The following TLR2 variants were observed in gnomAD, a reference collection of about 807,000 sequenced individuals.
TLR2 encodes the protein toll like receptor 2.
In TLR2, 7 loss-of-function variants were observed where a neutral mutation model predicts 9.1. The observed-to-expected ratio is 0.77, with a 90% confidence interval of 0.44 to 1.44. TLR2 has a LOEUF of 1.44. TLR2 is among the 40% of genes most tolerant of loss of function. The pLI is 0.01. For synonymous variants in TLR2, 317 were observed against 344.6 expected (o/e 0.92, Z 0.89); for missense variants, 812 against 904.6 (o/e 0.90, Z 1.31).
chr4:153,706,889 G>GT (rs1380283425), downstream of TLR2, among the ~76,000 whole-genome samples: 1 of 152,184 alleles, frequency 6.6e-6, no homozygotes, highest in Non-Finnish European at 1.5e-5. Context: ...ATGTAGGAAT[G>GT]TAAGTAAACC....
Position 153,703,921 on chromosome 4 carries a change from TAAAAG to T in TLR2, c.1017_1021del (p.Lys339AsnfsTer7). The T allele has an allele frequency of 3.1e-6, 5 of 1,613,146 alleles. No homozygotes were observed. Among genetic ancestry groups the T allele is most frequent in the Non-Finnish European group, 3.4e-6 (4 of 1,179,784 alleles). ...CTTTATATTCACTTACAGAAAGAGT[TAAAAG>T]AATCACAGTAGAAAACAGTAAAGTT... On this transcript the variant is annotated frameshift_variant, in exon 3 of 3. Transcript: ENST00000642700. LOFTEE classifies it low-confidence loss of function (END_TRUNC).
At chr4:153,688,831 A>G (rs2127014867) in intron 2 of TLR2, among the ~76,000 whole-genome samples, 1 of 152,322 alleles carries the variant, frequency 6.6e-6, no homozygotes, top group South Asian at 2.1e-4. Context: ...TTATGGCCAA[A>G]TCTGGGGCTA....
At chr4:153,695,392 T>C (rs368537132) in intron 2 of TLR2, among the ~76,000 whole-genome samples, 17 of 152,332 alleles carry the variant, frequency 1.1e-4, no homozygotes, top group African/African-American at 3.8e-4. Flanking sequence ...TGATATCTCA[T>C]TGTAGTTTTG....
rs185334499 is a variant in TLR2 at position 153,689,277 on chromosome 4, C to T, written c.-17+1230C>T. The stretch of plus-strand genomic sequence containing the variant: ...AAATCCTTATGTTTAGCTCCTACAG[C>T]GGGCCATATCATTTGAGGGTGAGGT... On this transcript the variant is annotated intron_variant, in intron 2 of 2. Coordinates refer to ENST00000642700, the MANE Select transcript of TLR2 (RefSeq NM_001318789.2). 1.1e-3 allele frequency among the ~76,000 whole-genome samples: 164 copies of T among 152,284 alleles called. 2 individuals carry two copies. The highest frequency in any genetic ancestry group is 8.8e-3 in the Admixed American group (134 of 15,298).
chr4:153,689,741 C>A (rs1024971656), intron 2 of TLR2, among the ~76,000 whole-genome samples: 5 of 152,260 alleles, frequency 3.3e-5, no homozygotes, highest in Admixed American at 1.3e-4. Context: ...CTGTGTTAGC[C>A]CTTGTTGAAG....
At chr4:153,688,747 T>G (rs1427570393) in intron 2 of TLR2, 2 of 165,980 alleles carry the variant, frequency 1.2e-5, no homozygotes, top group Admixed American at 1.2e-4. Context: ...TTGCCCTCAT[T>G]CCAGTAAACC....
At chr4:153,689,262 G>A (rs1735933711) in intron 2 of TLR2, among the ~76,000 whole-genome samples, 1 of 152,132 alleles carries the variant, frequency 6.6e-6, no homozygotes, top group South Asian at 2.1e-4. Context: ...AAATCCTTAT[G>A]TTTAGCTCCT....
rs1189268865 is a variant in TLR2, at chr4:153,687,999, G to T, written c.-65G>T. 6.6e-6 allele frequency: 1 copy of T among 152,184 alleles called. No homozygotes were observed. Among genetic ancestry groups the T allele is most frequent in the Non-Finnish European group, 1.5e-5 (1 of 68,048 alleles). The allele number at this position is 152,184 out of a possible 1,614,324, so 9.4% of individuals were successfully genotyped here. A position where few individuals can be genotyped will look rare whatever the true frequency, so the allele number is the denominator to read the frequency against. On this transcript the variant is annotated 5_prime_UTR_variant, in exon 2 of 3. Transcript: ENST00000642700. ...AGTGACCAAGTGAAGGTACCTGTGGGGCTCATTGTGCCCATTGCTCTTTCA... is the reference window on the plus strand; with the variant it reads ...AGTGACCAAGTGAAGGTACCTGTGGTGCTCATTGTGCCCATTGCTCTTTCA...
downstream of TLR2, among the ~76,000 whole-genome samples, chr4:153,707,445 G>C (rs1560759867): frequency 6.6e-6 from 1 of 152,194 alleles, no homozygotes; most frequent in East Asian, 1.9e-4. Context: ...AGCTACTCGG[G>C]ATGCTGAGGT....
At position 153,705,126 on chromosome 4, in the gene TLR2, T is replaced by C. The variant is rs1317545104; in HGVS notation, c.2219T>C (p.Ile740Thr). ...DAAILILLEP[I>T]EKKAIPQRFC... ...GCCATTCTCATTCTTCTGGAGCCCA[T>C]TGAGAAAAAAGCCATTCCCCAGCGC... is the stretch of plus-strand genomic sequence containing the variant. The change falls in exon 3 of 3, where the codon ATT becomes ACT. Residue 740 changes from isoleucine to threonine, a missense_variant. By Grantham distance (89) the Ile-to-Thr change is moderately conservative. Transcript: ENST00000642700. 4 of 1,614,118 alleles carry C rather than the reference T, an allele frequency of 2.5e-6. No individual in the cohort carries two copies. Among genetic ancestry groups the C allele is most frequent in the Non-Finnish European group, 2.5e-6 (3 of 1,180,026 alleles).
intron 2 of TLR2, chr4:153,701,869 T>C (rs1736918310): frequency 6.6e-6 from 1 of 152,222 alleles, no homozygotes; most frequent in African/African-American, 2.4e-5. Flanking sequence ...ATGTTTGTGT[T>C]TTAATTCTTT....
intron 1 of TLR2, 103 bp downstream of exon 1, chr4:153,684,463 G>C (rs963475905): frequency 2.6e-5 from 4 of 152,442 alleles, no homozygotes; most frequent in African/African-American, 9.6e-5. Flanking sequence ...GGGCTCTGGG[G>C]AACCCGGGCT....
At chr4:153,709,771 G>T (rs959343600), downstream of TLR2, among the ~76,000 whole-genome samples, 1 of 152,246 alleles carries the variant, frequency 6.6e-6, no homozygotes, top group South Asian at 2.1e-4. Context: ...TAGTACAGCT[G>T]TTGCATGGGT....
In TLR2 at chr4:153,705,845, T is replaced by G. The variant is rs891780303; in HGVS notation, c.*583T>G. 6 of 167,150 alleles carry G rather than the reference T, an allele frequency of 3.6e-5. No individual in the cohort carries two copies. The highest frequency in any genetic ancestry group is 1.4e-4 in the African/African-American group (6 of 41,472). 10.4% of individuals were successfully genotyped at this position (167,150 alleles called of 1,614,324 possible). A position where few individuals can be genotyped will look rare whatever the true frequency, so the allele number is the denominator to read the frequency against. ...AGGGCCAACTGTAATCTGTAGCAAC[T>G]GGCTTAGTTCATTAGGAAACAGCAC... On this transcript the variant is annotated 3_prime_UTR_variant, in exon 3 of 3. Coordinates refer to ENST00000642700, the MANE Select transcript of TLR2 (RefSeq NM_001318789.2).
chr4:153,688,705 C>T (rs556961917), intron 2 of TLR2: 19 of 159,258 alleles, frequency 1.2e-4, no homozygotes, highest in South Asian at 6.8e-4. Context: ...ACACGTTAAG[C>T]GGTTTTCTGC....
In TLR2 at chr4:153,703,654, A is replaced by G. The variant is rs1737094792; in HGVS notation, c.747A>G (p.Ser249=). 6.2e-7 allele frequency: 1 copy of G among 1,612,906 alleles called. No homozygotes were observed. Among genetic ancestry groups the G allele is most frequent in the Admixed American group, 1.7e-5 (1 of 59,774 alleles). The change falls in exon 3 of 3, where the codon TCA becomes TCG. Residue 249 remains serine, a synonymous_variant. Coordinates refer to ENST00000642700, the MANE Select transcript of TLR2 (RefSeq NM_001318789.2). ...AACTATCCACTGGTGAAACAAATTC[A>G]TTGATTAAAAAGTTTACATTTAGAA... ...FSELSTGETN[S]LIKKFTFRNV...
intron 2 of TLR2, among the ~76,000 whole-genome samples, chr4:153,696,011 C>G (rs1342742011): frequency 6.6e-6 from 1 of 152,038 alleles, no homozygotes; most frequent in East Asian, 1.9e-4. Context: ...TCTGGGTTCT[C>G]TATTCTGTTC....
intron 1 of TLR2, 100 bp downstream of exon 1, chr4:153,684,460 G>A (rs1735528979): frequency 6.6e-6 from 1 of 152,548 alleles, no homozygotes; most frequent in East Asian, 1.9e-4. Context: ...CACGGGCTCT[G>A]GGGAACCCGG....
chr4:153,688,846 A>T (rs1578964209), intron 2 of TLR2, among the ~76,000 whole-genome samples: 1 of 152,314 alleles, frequency 6.6e-6, no homozygotes, highest in African/African-American at 2.4e-5. Flanking sequence ...GGGCTAGTTT[A>T]TGGCCAGGTT....
Sources: allele counts gnomAD v4.1 joint callset (sites outside exome capture counted in the v4.1 genomes callset), GRCh38; gene constraint gnomAD v4.1.1; transcripts MANE v1.5; gene names NCBI Gene and HGNC (gene_info 2026-07-23, HGNC 2026-07-21).